The following OTOG variants were observed in gnomAD, a reference collection of about 807,000 sequenced individuals.
The protein encoded by OTOG is otogelin.
Under a neutral mutation model 313.8 loss-of-function variants are expected in OTOG, and 296 were observed. The observed-to-expected ratio is 0.94, with a 90% CI of 0.86 to 1.04. The LOEUF (loss-of-function observed/expected upper bound fraction) is 1.04. Ranked by LOEUF, OTOG falls within the 50% of genes least tolerant of loss-of-function variation. The probability of loss-of-function intolerance (pLI) is 0.00; values close to 1 mark genes in which losing one functional copy is unlikely to be tolerated. For missense variants in OTOG, 3,948 were observed against 3,840.1 expected, an observed-to-expected ratio of 1.03 and a Z score of -0.74; for synonymous variants, 1,533 against 1,554.9, an observed-to-expected ratio of 0.99 and a Z score of 0.33.
intron 31 of OTOG, among the ~76,000 whole-genome samples, chr11:17,600,973 G>A (rs897282085): frequency 6.6e-6 from 1 of 152,248 alleles, no homozygotes. Context: ...GTGTGGAGCA[G>A]GCTCACGCCG....
At chr11:17,559,495 G>A (rs1362670530) in intron 11 of OTOG, 39 bp from the exon 12 acceptor site, 1 of 1,550,134 alleles carries the variant, frequency 6.5e-7, no homozygotes, top group Non-Finnish European at 8.7e-7. Flanking sequence ...GCAGAGCTGG[G>A]GCCAGTAGCT....
At chr11:17,643,832 C>T in intron 54 of OTOG, among the ~76,000 whole-genome samples, 1 of 152,214 alleles carries the variant, frequency 6.6e-6, no homozygotes, top group African/African-American at 2.4e-5. Flanking sequence ...GGCCCCCAGC[C>T]CAGATGCTCC....
rs187445787 is a variant in OTOG at position 17,635,144 on chromosome 11, C to T, written c.7650C>T (p.Ile2550=). 498 of 1,548,824 alleles carry T rather than the reference C, an allele frequency of 3.2e-4. 2 individuals are homozygous for T. In the African/African-American group the frequency reaches 6.2e-3, roughly 19 times the overall value. ...GCTGCCGACAGGACCAGATCCTGATCACGGGCCGCCTGGGGGACTCCTGCT... is the reference window on the plus strand; with the variant it reads ...GCTGCCGACAGGACCAGATCCTGATTACGGGCCGCCTGGGGGACTCCTGCT... ...VPSCRQDQIL[I]TGRLGDSCCT... Residue 2550 remains isoleucine (I), a synonymous_variant, in exon 46 of 56, where the codon ATC becomes ATT. Coordinates refer to ENST00000399397, the MANE Select transcript of OTOG (RefSeq NM_001292063.2).
rs1261501532 is a variant in OTOG, at chr11:17,606,115, G to A, written c.4136G>A (p.Gly1379Asp). The A allele has an allele frequency of 2.6e-6, 4 of 1,542,004 alleles. No individual in the cohort carries two copies. The highest frequency in any genetic ancestry group is 3.5e-6 in the Non-Finnish European group (4 of 1,141,934). The part of the protein sequence containing the change: ...LYEHTEVFRR[G>D]TLFRLLDAKP... The stretch of plus-strand genomic sequence containing the variant: ...GAACACACAGAGGTGTTCCGCCGGG[G>A]CACACTCTTCCGCCTTCTGGGTAGG... The change falls in exon 33 of 56, where the codon GGC (glycine) becomes GAC (aspartate). Residue 1379 changes from glycine (G) to aspartate (D), a missense_variant. By Grantham distance (94) the Gly-to-Asp change is moderately conservative. Coordinates refer to ENST00000399397, the MANE Select transcript of OTOG (RefSeq NM_001292063.2).
At chr11:17,617,146 G>C (rs1414020112) in intron 39 of OTOG, among the ~76,000 whole-genome samples, 1 of 152,004 alleles carries the variant, frequency 6.6e-6, no homozygotes, top group African/African-American at 2.4e-5. Flanking sequence ...TTATTAATTT[G>C]ATGAATTACA....
intron 17 of OTOG, 98 bp from the exon 18 acceptor site, chr11:17,571,982 G>GTGTA (rs1852414382): frequency 1.4e-6 from 2 of 1,464,566 alleles, no homozygotes; most frequent in East Asian, 5.0e-5. Flanking sequence ...GACTATGTGT[G>GTGTA]TGTATATGAG....
rs772244240 is a variant in OTOG at position 17,612,315 on chromosome 11, C to T, written c.6277C>T (p.Leu2093Phe). The change falls in exon 37 of 56, where the codon CTC (leucine) becomes TTC (phenylalanine). Residue 2093 changes from leucine (L) to phenylalanine (F), a missense_variant. By Grantham distance (22) the Leu-to-Phe change is conservative. Coordinates refer to ENST00000399397, the MANE Select transcript of OTOG (RefSeq NM_001292063.2). Reference sequence around the variant, plus strand: ...GGTGGGTGGGGACCGCTGCTGCCCACTCTGGGAGTGTGCCTGTGAGTCATG... The same window carrying T: ...GGTGGGTGGGGACCGCTGCTGCCCATTCTGGGAGTGTGCCTGTGAGTCATG... The part of the protein sequence containing the change: ...VRVGGDRCCP[L>F]WECACRCSIF... The T allele has an allele frequency of 1.8e-5, 28 of 1,536,028 alleles. No individual in the cohort carries two copies. The South Asian group carries it at 3.4e-4, about 18-fold the overall frequency.
chr11:17,565,359 A>G (rs1218663289), intron 15 of OTOG, among the ~76,000 whole-genome samples: 1 of 152,202 alleles, frequency 6.6e-6, no homozygotes, highest in Non-Finnish European at 1.5e-5. Context: ...GGAAGATCAC[A>G]GAGGTAAAGT....
chr11:17,548,574 G>A (rs1267639534), intron 3 of OTOG, among the ~76,000 whole-genome samples: 2 of 151,820 alleles, frequency 1.3e-5, no homozygotes, highest in Non-Finnish European at 2.9e-5. Context: ...ACTGGCCTGC[G>A]AAGGCCCTCA....
chr11:17,607,285 C>A (rs1853413009), intron 33 of OTOG, among the ~76,000 whole-genome samples: 1 of 152,208 alleles, frequency 6.6e-6, no homozygotes, highest in Non-Finnish European at 1.5e-5. Flanking sequence ...GGGGGATGCT[C>A]CCTGGAGCCT....
chr11:17,632,290 G>GA, intron 42 of OTOG, 64 bp downstream of exon 42: 1 of 1,486,000 alleles, frequency 6.7e-7, no homozygotes. Flanking sequence ...GTTAAAGTGG[G>GA]AAAAGGCTCC....
At chr11:17,630,615 G>A (rs1316090748) in intron 40 of OTOG, among the ~76,000 whole-genome samples, 1 of 152,178 alleles carries the variant, frequency 6.6e-6, no homozygotes, top group East Asian at 1.9e-4. Flanking sequence ...AGATAATTGA[G>A]AATCTAAAAG....
intron 32 of OTOG, among the ~76,000 whole-genome samples, chr11:17,604,853 G>A (rs1004003625): frequency 6.6e-6 from 1 of 152,220 alleles, no homozygotes; most frequent in Admixed American, 6.5e-5. Flanking sequence ...GGCACGTAGC[G>A]AGTCATGTGT....
At chr11:17,600,982 C>T (rs968695800) in intron 31 of OTOG, among the ~76,000 whole-genome samples, 2 of 152,236 alleles carry the variant, frequency 1.3e-5, no homozygotes, top group African/African-American at 2.4e-5. Flanking sequence ...AGGCTCACGC[C>T]GCCTCTCTAG....
rs1420534284 is a variant in OTOG at position 17,611,561 on chromosome 11, C to A, written c.6123+138C>A. 5 of 951,974 alleles carry A rather than the reference C, an allele frequency of 5.3e-6. No homozygotes were observed. The East Asian group carries it at 1.3e-4, about 25-fold the overall frequency. 59.0% of individuals were successfully genotyped at this position (951,974 alleles called of 1,614,324 possible). ...TGGTCCCTGAAAAATTCTTCAGTCT[C>A]CTATTGGCCCCTGATGCCATAGCAG... On this transcript the variant is annotated intron_variant, in intron 36 of 55. Coordinates refer to ENST00000399397, the MANE Select transcript of OTOG (RefSeq NM_001292063.2).
chr11:17,560,784 C>G lies in OTOG; in HGVS notation c.1418C>G (p.Pro473Arg), dbSNP rs1343471777. 6.4e-7 allele frequency: 1 copy of G among 1,550,666 alleles called. No individual in the cohort carries two copies. The highest frequency in any genetic ancestry group is 1.4e-5 in the African/African-American group (1 of 73,032). Residue 473 changes from proline to arginine, a missense_variant, in exon 13 of 56, where the codon CCT (proline) becomes CGT (arginine). Coordinates refer to ENST00000399397, the MANE Select transcript of OTOG (RefSeq NM_001292063.2). ...GAGTTTCACGGGACTCTGTACCCACCTGGCTCTGTGGTGAAGGAAGACTGC... is the reference window on the plus strand; with the variant it reads ...GAGTTTCACGGGACTCTGTACCCACGTGGCTCTGTGGTGAAGGAAGACTGC... ...PCEFHGTLYP[P>R]GSVVKEDCNT... is the part of the protein sequence containing the mutation.
intron 39 of OTOG, among the ~76,000 whole-genome samples, chr11:17,614,003 A>C (rs1043174877): frequency 3.9e-5 from 6 of 152,172 alleles, no homozygotes; most frequent in African/African-American, 7.2e-5. Flanking sequence ...AAAATATCTC[A>C]CTTTTGCAAT....
Position 17,591,596 on chromosome 11 carries a change from C to G in OTOG, c.3006+8C>G. On this transcript the variant is annotated splice_region_variant and intron_variant, in intron 25 of 55. Coordinates refer to ENST00000399397, the MANE Select transcript of OTOG (RefSeq NM_001292063.2). Reference sequence around the variant, plus strand: ...AAAGTGCACCTGGTCAAGGTGAGTTCCCGGATGTTTCTGCCCAGTTGGCTC... The same window carrying G: ...AAAGTGCACCTGGTCAAGGTGAGTTGCCGGATGTTTCTGCCCAGTTGGCTC... 6.4e-7 allele frequency: 1 copy of G among 1,550,402 alleles called. No individual in the cohort carries two copies. Among genetic ancestry groups the G allele is most frequent in the South Asian group, 1.2e-5 (1 of 84,046 alleles).
rs1238249987 is a variant in OTOG, at chr11:17,559,545, AAGG to A, written c.1228_1230del (p.Glu410del). ...CCCTCCTTCCCAAGCTGTGCACTGC[AAGG>A]AGAAGGCCTTTACCTACAATGAGTG... On this transcript the variant is annotated inframe_deletion, in exon 12 of 56. Transcript: ENST00000399397. 48 of 1,550,564 alleles carry A rather than the reference AAGG, an allele frequency of 3.1e-5. No homozygotes were observed. The East Asian group carries it at 1.1e-3, about 34-fold the overall frequency.
Sources: gnomAD v4.1 joint callset for allele counts (sites outside exome capture counted in the v4.1 genomes callset) on GRCh38, gnomAD v4.1.1 for gene constraint, MANE v1.5 for transcripts, NCBI Gene and HGNC (gene_info 2026-07-23, HGNC 2026-07-21) for gene names.